SLFN12L: variants seen among roughly 807,000 people sequenced by gnomAD.
SLFN12L encodes the protein schlafen family member 12 like, also known as schlafen family member 12-like.
A neutral mutation model predicts 34.8 loss-of-function variants in SLFN12L; 34 were observed. The ratio of observed to expected loss-of-function variants is 0.98; its 90% CI spans 0.74 to 1.30. The LOEUF is 1.30. SLFN12L is among the 50% of genes most tolerant of loss of function. The pLI is 0.00. For synonymous variants in SLFN12L, 259 were observed against 247.5 expected, an observed-to-expected ratio of 1.05 and a Z score of -0.44; for missense variants, 703 against 696.2, an observed-to-expected ratio of 1.01 and a Z score of -0.11.
rs1913812762 is a variant in SLFN12L at position 35,471,754 on chromosome 17, A to G, written c.*3169T>C. ...TTATCTTGACTTTTCAATAATCACC[A>G]TTTGACTTGTGTGAGATGGTGTCTC... On this transcript the variant is annotated 3_prime_UTR_variant, in exon 5 of 5. Transcript: ENST00000628453. Among the ~76,000 whole-genome samples the G allele has an allele frequency of 6.6e-6, 1 of 151,400 alleles. No individual in the cohort carries two copies. The highest frequency in any genetic ancestry group is 6.6e-5 in the Admixed American group (1 of 15,178).
chr17:35,533,548 G>GA (rs1392794060), intron 1 of SLFN12L, among the ~76,000 whole-genome samples: 2 of 152,160 alleles, frequency 1.3e-5, no homozygotes, highest in Non-Finnish European at 2.9e-5. Context: ...AGGATTTCCA[G>GA]AAAAAGTAAC....
rs901551009 is a variant in SLFN12L, at chr17:35,469,340, T to A, written c.*5583A>T. Among the ~76,000 whole-genome samples the A allele has an allele frequency of 2.5e-5, 3 of 122,060 alleles. No homozygotes were observed. The highest frequency in any genetic ancestry group is 6.3e-4 in the East Asian group (2 of 3,186). 80.1% of individuals were successfully genotyped at this position (122,060 alleles called of 152,430 possible). A position where few individuals can be genotyped will look rare whatever the true frequency, so the allele number is the denominator to read the frequency against. Reference sequence around the variant, plus strand: ...ATTATATATATAAATATATATATAATATATATATATATGTATTTCAAACTT... The same window carrying A: ...ATTATATATATAAATATATATATAAAATATATATATATGTATTTCAAACTT... On this transcript the variant is annotated 3_prime_UTR_variant, in exon 5 of 5. Coordinates refer to ENST00000628453, the MANE Select transcript of SLFN12L (RefSeq NM_001363830.2).
chr17:35,489,874 C>T, intron 2 of SLFN12L: 1 of 771,696 alleles, frequency 1.3e-6, no homozygotes, highest in African/African-American at 1.8e-5. Context: ...GAGAGGAACA[C>T]CAACCTTGTG....
intron 2 of SLFN12L, among the ~76,000 whole-genome samples, chr17:35,491,915 T>C (rs566261753): frequency 8.5e-5 from 13 of 152,336 alleles, no homozygotes; most frequent in African/African-American, 3.1e-4. Context: ...CTAGTAGAGT[T>C]CTGCCACTCT....
chr17:35,478,128 G>A lies in SLFN12L; in HGVS notation c.1223C>T (p.Pro408Leu), dbSNP rs1208195537. The A allele has an allele frequency of 1.0e-5, 16 of 1,545,188 alleles. No individual in the cohort carries two copies. Among genetic ancestry groups the A allele is most frequent in the Non-Finnish European group, 1.4e-5 (16 of 1,141,736 alleles). Residue 408 changes from proline to leucine, a missense_variant, in exon 4 of 5, where the codon CCT becomes CTT. Physicochemically the swap from Pro to Leu is moderately conservative, Grantham distance 98 (BLOSUM62 -3). Coordinates refer to ENST00000628453, the MANE Select transcript of SLFN12L (RefSeq NM_001363830.2). ...TTTGAAGTTAATATATTCACGAAGA[G>A]GATAACTCTGGGAGACAGGTGATGA... is the stretch of plus-strand genomic sequence containing the variant. The part of the protein sequence containing the change: ...STSSPVSQSY[P>L]LREYINFKIQ...
At chr17:35,499,138 T>C (rs1262007814) in intron 2 of SLFN12L, 4 of 862,388 alleles carry the variant, frequency 4.6e-6, no homozygotes, top group Non-Finnish European at 7.5e-6. Flanking sequence ...CAAGTAGACA[T>C]GTCCCGCATC....
rs1321351367 is a variant in SLFN12L at position 35,467,179 on chromosome 17, G to A, written c.*7744C>T. The stretch of plus-strand genomic sequence containing the variant: ...CCTGGAAAGCTCCTTTGGATTGACT[G>A]AGTGAACAGCAATAGAAGTTCACGG... On this transcript the variant is annotated 3_prime_UTR_variant, in exon 5 of 5. Coordinates refer to ENST00000628453, the MANE Select transcript of SLFN12L (RefSeq NM_001363830.2). 1.3e-5 allele frequency among the ~76,000 whole-genome samples: 2 copies of A among 152,184 alleles called. No homozygotes were observed. Among genetic ancestry groups the A allele is most frequent in the Non-Finnish European group, 2.9e-5 (2 of 68,028 alleles).
At chr17:35,533,058 T>C (rs1056490089) in intron 1 of SLFN12L, among the ~76,000 whole-genome samples, 1 of 152,234 alleles carries the variant, frequency 6.6e-6, no homozygotes, top group African/African-American at 2.4e-5. Context: ...TTATCTCTTA[T>C]CATCTTAATA....
At position 35,495,320 on chromosome 17, in the gene SLFN12L, A is replaced by G. The variant is rs77374393; in HGVS notation, c.87-15125T>C. ...ACTCTCCTTAAACAGCCCTCCCCAT[A>G]GGTTCATTGTCTTAAGTGCCGTGAT... On this transcript the variant is annotated intron_variant, in intron 2 of 4. Coordinates refer to ENST00000628453, the MANE Select transcript of SLFN12L (RefSeq NM_001363830.2). Among the ~76,000 whole-genome samples, 166 of 152,254 alleles carry G rather than the reference A, an allele frequency of 1.1e-3. 2 individuals carry two copies. The East Asian group carries it at 0.029, about 26-fold the overall frequency.
chr17:35,469,332 A>G lies in SLFN12L; in HGVS notation c.*5591T>C, dbSNP rs1913768738. Among the ~76,000 whole-genome samples, 1 of 138,550 alleles carries G rather than the reference A, an allele frequency of 7.2e-6. No homozygotes were observed. Among genetic ancestry groups the G allele is most frequent in the African/African-American group, 2.7e-5 (1 of 37,104 alleles). 90.9% of individuals were successfully genotyped at this position (138,550 alleles called of 152,430 possible). ...ATATATATATTATATATATAAATAT[A>G]TATATAATATATATATATATGTATT... On this transcript the variant is annotated 3_prime_UTR_variant, in exon 5 of 5. Coordinates refer to ENST00000628453, the MANE Select transcript of SLFN12L (RefSeq NM_001363830.2).
rs1453130798 is a variant in SLFN12L, at chr17:35,522,480, A to G, written c.-116T>C. 5 of 1,613,482 alleles carry G rather than the reference A, an allele frequency of 3.1e-6. No individual in the cohort carries two copies. The highest frequency in any genetic ancestry group is 3.4e-6 in the Non-Finnish European group (4 of 1,179,726). On this transcript the variant is annotated 5_prime_UTR_variant, in exon 2 of 5. The change abolishes the stop of an existing upstream ORF in the 5' untranslated region. Coordinates refer to ENST00000628453, the MANE Select transcript of SLFN12L (RefSeq NM_001363830.2). ...ATACTGCTGGGCTGTGAGCAGATTT[A>G]AAACCTCATAGCTGCACAGGTCACT...
chr17:35,485,020 C>T (rs1401348366), intron 2 of SLFN12L, among the ~76,000 whole-genome samples: 2 of 152,146 alleles, frequency 1.3e-5, no homozygotes, highest in Non-Finnish European at 2.9e-5. Context: ...TGTTGGCATA[C>T]AATTTTTTAC....
intron 2 of SLFN12L, among the ~76,000 whole-genome samples, chr17:35,501,095 C>T (rs554477540): frequency 7.2e-5 from 11 of 152,332 alleles, no homozygotes; most frequent in East Asian, 3.9e-4. Context: ...GACCAGAAAG[C>T]GAGGTGATTA....
In SLFN12L at chr17:35,473,379, A is replaced by G. The variant is rs1913840325; in HGVS notation, c.*1544T>C. Among the ~76,000 whole-genome samples the G allele has an allele frequency of 6.6e-6, 1 of 152,142 alleles. No homozygotes were observed. The highest frequency in any genetic ancestry group is 1.5e-5 in the Non-Finnish European group (1 of 68,032). ...ACATAAAGGGATGTTGAATTTTGTC[A>G]GAGTCTTTTTCTGCATCTATTGAGA... On this transcript the variant is annotated 3_prime_UTR_variant, in exon 5 of 5. Coordinates refer to ENST00000628453, the MANE Select transcript of SLFN12L (RefSeq NM_001363830.2).
intron 2 of SLFN12L, among the ~76,000 whole-genome samples, chr17:35,503,129 T>C (rs1430612179): frequency 2.6e-5 from 4 of 152,196 alleles, no homozygotes; most frequent in Admixed American, 6.5e-5. Context: ...AAGTATACCT[T>C]TGGTAAAGGG....
chr17:35,503,301 T>G (rs1417234103), intron 2 of SLFN12L, among the ~76,000 whole-genome samples: 1 of 152,210 alleles, frequency 6.6e-6, no homozygotes, highest in Non-Finnish European at 1.5e-5. Context: ...TTCTGAGAAC[T>G]GGACATTAAA....
rs561850057 is a variant in SLFN12L, at chr17:35,465,670, A to G, written c.*9253T>C. Among the ~76,000 whole-genome samples, 2 of 151,010 alleles carry G rather than the reference A, an allele frequency of 1.3e-5. No homozygotes were observed. The highest frequency in any genetic ancestry group is 4.9e-5 in the African/African-American group (2 of 41,052). ...AACAGCCCAGTGTTGCCTGTTCTTA[A>G]ACCTGGAAAATAATAAGCAGCAGGC... On this transcript the variant is annotated 3_prime_UTR_variant, in exon 5 of 5. Transcript: ENST00000628453.
intron 1 of SLFN12L, among the ~76,000 whole-genome samples, chr17:35,528,044 T>G (rs570048476): frequency 6.6e-6 from 1 of 152,290 alleles, no homozygotes; most frequent in South Asian, 2.1e-4. Context: ...ATCACAAGCA[T>G]TCCTATGCAC....
chr17:35,477,147 T>C (rs1373630804), intron 4 of SLFN12L, among the ~76,000 whole-genome samples: 1 of 152,182 alleles, frequency 6.6e-6, no homozygotes, highest in Non-Finnish European at 1.5e-5. Flanking sequence ...GGGTCAGTTG[T>C]ATGCAGTAAT....
Sources: allele counts gnomAD v4.1 joint callset (sites outside exome capture counted in the v4.1 genomes callset), GRCh38; gene constraint gnomAD v4.1.1; transcripts MANE v1.5; gene names NCBI Gene and HGNC (gene_info 2026-07-23, HGNC 2026-07-21).